Variants in LRFN5 observed in about 807,000 individuals in gnomAD.
The protein encoded by LRFN5 is leucine-rich repeat and fibronectin type-III domain-containing protein 5.
LRFN5 carries 24 observed loss-of-function variants against 45.6 expected under a neutral mutation model. The observed-to-expected ratio is 0.53, with a 90% CI of 0.38 to 0.74. The LOEUF is 0.74. Ranked by LOEUF, LRFN5 falls within the 30% of genes least tolerant of loss-of-function variation. LRFN5 has a pLI of 0.00. For synonymous variants in LRFN5, 340 were observed against 313.8 expected, an observed-to-expected ratio of 1.08 and a Z score of -0.88; for missense variants, 776 against 861.5, an observed-to-expected ratio of 0.90 and a Z score of 1.24.
rs577542042 is a variant in LRFN5, at chr14:41,770,017, G to C, written c.-21+2988G>C. Among the ~76,000 whole-genome samples, 104 of 152,276 alleles carry C rather than the reference G, an allele frequency of 6.8e-4. No individual in the cohort carries two copies. In the South Asian group the frequency reaches 0.021, roughly 31 times the overall value. On this transcript the variant is annotated intron_variant, in intron 2 of 5. Coordinates refer to ENST00000298119, the MANE Select transcript of LRFN5 (RefSeq NM_152447.5). ...AGTGTGGTGGTGAGCCCCTCAGGAA[G>C]GTAATCATTATGACAGAAGGCAAAG... is the stretch of plus-strand genomic sequence containing the variant.
At chr14:41,833,437 C>T (rs1373666001) in intron 2 of LRFN5, among the ~76,000 whole-genome samples, 2 of 152,196 alleles carry the variant, frequency 1.3e-5, no homozygotes, top group African/African-American at 2.4e-5. Context: ...TATTTCAAAT[C>T]TTTAACCATC....
chr14:41,735,532 C>A lies in LRFN5; in HGVS notation c.-196-31322C>A, dbSNP rs543104577. On this transcript the variant is annotated intron_variant, in intron 1 of 5. Coordinates refer to ENST00000298119, the MANE Select transcript of LRFN5 (RefSeq NM_152447.5). ...AGCAGTCCTTCTGCGTCAGCCCCCC[C>A]ACGTGCTGGGATTATAGGTATAGGC... 1.3e-3 allele frequency among the ~76,000 whole-genome samples: 205 copies of A among 152,222 alleles called. 2 individuals are homozygous for A. Among genetic ancestry groups the A allele is most frequent in the African/African-American group, 1.1e-3 (44 of 41,550 alleles).
At chr14:41,650,220 C>G (rs1239170215) in intron 1 of LRFN5, among the ~76,000 whole-genome samples, 3 of 116,776 alleles carry the variant, frequency 2.6e-5, no homozygotes, top group Non-Finnish European at 5.2e-5. Flanking sequence ...ATAGTGAAAC[C>G]CTGTATCTAC....
At position 41,857,571 on chromosome 14, in the gene LRFN5, G is replaced by A. The variant is rs567964097; in HGVS notation, c.-20-29035G>A. On this transcript the variant is annotated intron_variant, in intron 2 of 5. Transcript: ENST00000298119. ...ATTTTTCTACTGCGTGCAACTCATC[G>A]TTTTATGTATTTGTTCGTTCATTCT... Among the ~76,000 whole-genome samples, 24 of 152,156 alleles carry A rather than the reference G, an allele frequency of 1.6e-4. No homozygotes were observed. In the South Asian group the frequency reaches 4.8e-3, roughly 30 times the overall value.
At chr14:41,815,475 A>C (rs552486020) in intron 2 of LRFN5, among the ~76,000 whole-genome samples, 6 of 152,058 alleles carry the variant, frequency 3.9e-5, no homozygotes, top group Non-Finnish European at 8.8e-5. Flanking sequence ...GGCTCACTGG[A>C]ATCTATAATC....
chr14:41,700,964 C>T (rs964702615), intron 1 of LRFN5: 9 of 152,070 alleles, frequency 5.9e-5, no homozygotes, highest in African/African-American at 1.7e-4. Flanking sequence ...AAGAAAACTT[C>T]GTTCCTAGCT....
chr14:41,865,212 A>G (rs1175704217), intron 2 of LRFN5, among the ~76,000 whole-genome samples: 1 of 152,064 alleles, frequency 6.6e-6, no homozygotes. Flanking sequence ...AAAAAACCAT[A>G]CTCATCAGAA....
At chr14:41,757,949 A>G (rs1469130333) in intron 1 of LRFN5, among the ~76,000 whole-genome samples, 1 of 152,096 alleles carries the variant, frequency 6.6e-6, no homozygotes, top group Non-Finnish European at 1.5e-5. Flanking sequence ...TCAGAAATCA[A>G]TTCACTCACT....
intron 2 of LRFN5, among the ~76,000 whole-genome samples, chr14:41,783,130 G>A (rs569477888): frequency 1.3e-5 from 2 of 152,034 alleles, no homozygotes; most frequent in Admixed American, 6.6e-5. Flanking sequence ...ATTTCAGAAT[G>A]GTTACTTTTC....
intron 2 of LRFN5, among the ~76,000 whole-genome samples, chr14:41,873,165 T>TA (rs1890075082): frequency 6.6e-6 from 1 of 152,182 alleles, no homozygotes; most frequent in South Asian, 2.1e-4. Context: ...AGAATTTTGT[T>TA]AAACAGTTTG....
chr14:41,854,308 T>A (rs149595070), intron 2 of LRFN5, among the ~76,000 whole-genome samples: 1,729 of 145,268 alleles, frequency 0.012, 19 homozygotes, highest in Non-Finnish European at 0.021. Flanking sequence ...CATCCTTTTT[T>A]ATGGCTGCAT....
chr14:41,713,550 T>C (rs1883369996), intron 1 of LRFN5, among the ~76,000 whole-genome samples: 1 of 151,888 alleles, frequency 6.6e-6, no homozygotes, highest in Non-Finnish European at 1.5e-5. Flanking sequence ...AGAATCTCAG[T>C]GTGAAATAGT....
At chr14:41,894,724 A>G in intron 4 of LRFN5, 4 of 984,928 alleles carry the variant, frequency 4.1e-6, no homozygotes, top group Non-Finnish European at 4.8e-6. Flanking sequence ...AGATGAATGA[A>G]TGAGTAAATG....
chr14:41,702,973 A>C (rs995248195), intron 1 of LRFN5, among the ~76,000 whole-genome samples: 1 of 152,082 alleles, frequency 6.6e-6, no homozygotes, highest in Non-Finnish European at 1.5e-5. Context: ...GCACCCCTTT[A>C]TCACTTTCAA....
chr14:41,667,482 A>G (rs1248170997), intron 1 of LRFN5, among the ~76,000 whole-genome samples: 1 of 152,150 alleles, frequency 6.6e-6, no homozygotes, highest in Non-Finnish European at 1.5e-5. Flanking sequence ...GTTCACCTCC[A>G]TGTGGTTAGT....
At chr14:41,856,752 C>G (rs1174848560) in intron 2 of LRFN5, among the ~76,000 whole-genome samples, 2 of 132,274 alleles carry the variant, frequency 1.5e-5, no homozygotes. Flanking sequence ...TCTCCGCTCA[C>G]TGCAAGCTCC....
intron 1 of LRFN5, among the ~76,000 whole-genome samples, chr14:41,762,163 T>C (rs1037288510): frequency 6.7e-6 from 1 of 149,102 alleles, no homozygotes; most frequent in African/African-American, 2.4e-5. Context: ...AACCTTCACC[T>C]AAGTTCTAGC....
At chr14:41,701,659 G>A (rs1274818757) in intron 1 of LRFN5, 1 of 152,164 alleles carries the variant, frequency 6.6e-6, no homozygotes, top group Non-Finnish European at 1.5e-5. Flanking sequence ...AATAAATGCT[G>A]TAATACACAG....
At chr14:41,893,316 G>A (rs1890843132) in intron 4 of LRFN5, 1 of 957,620 alleles carries the variant, frequency 1.0e-6, no homozygotes, top group African/African-American at 1.8e-5. Context: ...TTCACTCCTT[G>A]AAAAACTTAA....
Sources: gnomAD v4.1 joint callset for allele counts (sites outside exome capture counted in the v4.1 genomes callset) on GRCh38, gnomAD v4.1.1 for gene constraint, MANE v1.5 for transcripts, NCBI Gene and HGNC (gene_info 2026-07-23, HGNC 2026-07-21) for gene names.